Variants in HDDC2 observed in about 807,000 individuals in gnomAD.
The protein encoded by HDDC2 is 5'-deoxynucleotidase HDDC2.
HDDC2 carries 25 observed loss-of-function variants against 25.5 expected under a neutral mutation model. The observed-to-expected ratio is 0.98, with a 90% CI of 0.72 to 1.37. HDDC2 has a LOEUF of 1.37. HDDC2 is among the 40% of genes most tolerant of loss of function. The pLI is 0.00. For missense variants in HDDC2, 264 were observed against 253.1 expected (o/e 1.04, Z -0.29); for synonymous variants, 106 against 89.7 (o/e 1.18, Z -1.03).
chr6:125,290,163 C>T (rs1244813570), intron 4 of HDDC2, among the ~76,000 whole-genome samples: 1 of 152,124 alleles, frequency 6.6e-6, no homozygotes, highest in African/African-American at 2.4e-5. Flanking sequence ...TACAGAATGA[C>T]CCTACTTTCT....
intron 1 of HDDC2, 150 bp from the exon 2 acceptor site, chr6:125,300,809 G>T: frequency 1.4e-6 from 1 of 703,380 alleles, no homozygotes; most frequent in Non-Finnish European, 2.3e-6. Context: ...TAGCTAAAAT[G>T]ATAGACATCT....
chr6:125,281,672 C>T (rs963261886), intron 4 of HDDC2, among the ~76,000 whole-genome samples: 5 of 152,000 alleles, frequency 3.3e-5, no homozygotes, highest in East Asian at 1.9e-4. Flanking sequence ...TGAAAAAGAA[C>T]GAACAAAGCC....
At chr6:125,287,075 T>C (rs889134889) in intron 4 of HDDC2, among the ~76,000 whole-genome samples, 16 of 152,236 alleles carry the variant, frequency 1.1e-4, no homozygotes, top group African/African-American at 3.9e-4. Flanking sequence ...GAACGTGACC[T>C]GCACCACAAG....
intron 1 of HDDC2, among the ~76,000 whole-genome samples, chr6:125,301,481 A>AGCACACACACGCGCAC: frequency 9.8e-6 from 1 of 101,594 alleles, no homozygotes; most frequent in Admixed American, 9.0e-5. Context: ...TGGGGTCGTG[A>AGCACACACACGCGCAC]GCACACACAC....
chr6:125,287,011 T>C (rs1225761098), intron 4 of HDDC2, among the ~76,000 whole-genome samples: 1 of 152,024 alleles, frequency 6.6e-6, no homozygotes, highest in African/African-American at 2.4e-5. Flanking sequence ...CCAACCTGAG[T>C]GTGATCTAGC....
intron 2 of HDDC2, chr6:125,300,226 A>G: frequency 4.1e-6 from 1 of 241,584 alleles, no homozygotes; most frequent in Non-Finnish European, 8.0e-6. Context: ...ACTAGGAAAG[A>G]GCACACAGTG....
At chr6:125,294,681 TGACAGGA>T (rs1562447438) in intron 3 of HDDC2, among the ~76,000 whole-genome samples, 1 of 152,224 alleles carries the variant, frequency 6.6e-6, no homozygotes, top group Non-Finnish European at 1.5e-5. Flanking sequence ...AGTCCTGCTC[TGACAGGA>T]GACTATTTTA....
chr6:125,301,934 C>A lies in HDDC2; in HGVS notation c.-2G>T. ...GGTCGCAGAGGAGACCGAAGCCATGCGGCCACCGACCCCGGCTGGGCGGAG... is the reference window on the plus strand; with the variant it reads ...GGTCGCAGAGGAGACCGAAGCCATGAGGCCACCGACCCCGGCTGGGCGGAG... On this transcript the variant is annotated 5_prime_UTR_variant, in exon 1 of 6. Coordinates refer to ENST00000398153, the MANE Select transcript of HDDC2 (RefSeq NM_016063.3). 6.5e-7 allele frequency: 1 copy of A among 1,547,790 alleles called. No individual in the cohort carries two copies. The highest frequency in any genetic ancestry group is 2.4e-5 in the East Asian group (1 of 41,228).
intron 4 of HDDC2, among the ~76,000 whole-genome samples, chr6:125,287,589 G>A (rs1250175831): frequency 3.9e-5 from 6 of 152,172 alleles, no homozygotes; most frequent in African/African-American, 1.4e-4. Flanking sequence ...AACTGTTCAG[G>A]AGGCTGCTGG....
intron 5 of HDDC2, 116 bp downstream of exon 5, chr6:125,276,986 C>T (rs1023290692): frequency 4.1e-6 from 4 of 979,604 alleles, no homozygotes; most frequent in Admixed American, 4.5e-5. Context: ...TTTAGATGCT[C>T]CACATGAAAG....
intron 4 of HDDC2, among the ~76,000 whole-genome samples, chr6:125,282,370 AAAAAG>A (rs1259888097): frequency 6.6e-6 from 1 of 151,936 alleles, no homozygotes; most frequent in South Asian, 2.1e-4. Flanking sequence ...AGAAAAAAGA[AAAAAG>A]AAAAGATTTT....
intron 3 of HDDC2, among the ~76,000 whole-genome samples, chr6:125,293,597 G>A (rs1798662483): frequency 6.6e-6 from 1 of 152,114 alleles, no homozygotes; most frequent in African/African-American, 2.4e-5. Flanking sequence ...AGGGAGCCTA[G>A]TACCTCAAGA....
chr6:125,295,583 T>C (rs935362274), intron 3 of HDDC2, among the ~76,000 whole-genome samples: 2 of 152,210 alleles, frequency 1.3e-5, no homozygotes, highest in Admixed American at 6.5e-5. Flanking sequence ...GTGCTTATTA[T>C]TGGCACATAA....
At chr6:125,299,571 G>A (rs187050883) in intron 2 of HDDC2, among the ~76,000 whole-genome samples, 63 of 152,234 alleles carry the variant, frequency 4.1e-4, no homozygotes, top group African/African-American at 1.5e-3. Context: ...CACTACCAAG[G>A]CAGTACAAGG....
intron 3 of HDDC2, among the ~76,000 whole-genome samples, chr6:125,297,294 G>C (rs762303032): frequency 6.6e-6 from 1 of 152,168 alleles, no homozygotes; most frequent in Non-Finnish European, 1.5e-5. Context: ...CTTTATTCAT[G>C]GCAGTGCAGA....
At chr6:125,287,731 C>T (rs1798562191) in intron 4 of HDDC2, among the ~76,000 whole-genome samples, 1 of 152,080 alleles carries the variant, frequency 6.6e-6, no homozygotes, top group Admixed American at 6.5e-5. Context: ...GAGGAAGACA[C>T]AGGTTCTGAA....
At chr6:125,300,374 G>A (rs745944723) in intron 2 of HDDC2, 164 bp downstream of exon 2, 72 of 793,944 alleles carry the variant, frequency 9.1e-5, no homozygotes, top group Non-Finnish European at 1.2e-4. Context: ...TACAACAACT[G>A]AGGCAACATA....
intron 3 of HDDC2, 94 bp from the exon 4 acceptor site, chr6:125,293,003 C>G (rs778554267): frequency 1.0e-6 from 1 of 962,722 alleles, no homozygotes. Context: ...TTCTTACAAA[C>G]AACTCTCACA....
At chr6:125,291,434 C>T (rs954105859) in intron 4 of HDDC2, among the ~76,000 whole-genome samples, 55 of 152,278 alleles carry the variant, frequency 3.6e-4, no homozygotes, top group African/African-American at 1.3e-3. Context: ...TACACTAAGT[C>T]ATGCCTCTAG....
Sources: gnomAD v4.1 joint callset for allele counts (sites outside exome capture counted in the v4.1 genomes callset) on GRCh38, gnomAD v4.1.1 for gene constraint, MANE v1.5 for transcripts, NCBI Gene and HGNC (gene_info 2026-07-23, HGNC 2026-07-21) for gene names.